The following HOXA13 variants were observed in gnomAD, a reference collection of about 807,000 sequenced individuals.
HOXA13 encodes the protein homeobox A13, also known as homeobox protein Hox-A13.
A neutral mutation model predicts 25.7 loss-of-function variants in HOXA13; 5 were observed. That is an observed-to-expected ratio of 0.19 (90% CI 0.10 to 0.41). The LOEUF (loss-of-function observed/expected upper bound fraction) is 0.41, where lower values mean the gene tolerates loss of function less well. Among genes scored for constraint, HOXA13 ranks in the 10% least tolerant of loss-of-function variants. The pLI, the probability that HOXA13 is intolerant of heterozygous loss-of-function variation, is 1.00. For synonymous variants in HOXA13, 284 were observed against 241.1 expected (o/e 1.18, Z -1.65); for missense variants, 557 against 533.5 (o/e 1.04, Z -0.43).
chr7:27,199,700 TGCAGCGGCAGCCGCGGCAGCA>T lies in HOXA13; in HGVS notation c.357_377del (p.Ala127_Ala133del). On this transcript the variant is annotated inframe_deletion, in exon 1 of 2. Coordinates refer to ENST00000649031, the MANE Select transcript of HOXA13 (RefSeq NM_000522.5). ...ACGACGCGGCGGCGGCGGCGGCGGC[TGCAGCGGCAGCCGCGGCAGCA>T]GCGGCGGCAGCCGACGGGGGCGCCT... is the stretch of plus-strand genomic sequence containing the variant. 9.3e-7 allele frequency: 1 copy of T among 1,071,394 alleles called. No homozygotes were observed. The highest frequency in any genetic ancestry group is 4.5e-5 in the South Asian group (1 of 22,084). The allele number at this position is 1,071,394 out of a possible 1,614,324, so 66.4% of individuals were successfully genotyped here.
In HOXA13 at chr7:27,199,766, G is replaced by A; in HGVS notation, c.312C>T (p.Ala104=). The change falls in exon 1 of 2, where the codon GCC becomes GCT. Residue 104 remains alanine (A), a synonymous_variant. Coordinates refer to ENST00000649031, the MANE Select transcript of HOXA13 (RefSeq NM_000522.5). ...GCGCCTCCCCGGGGGCGCTGCTGTAGGCGGACGCGGCTCCTGGCGCCAAGG... is the reference window on the plus strand; with the variant it reads ...GCGCCTCCCCGGGGGCGCTGCTGTAAGCGGACGCGGCTCCTGGCGCCAAGG... ...PAPLAPGAAS[A]YSSAPGEAPP... 1 of 1,018,772 alleles carries A rather than the reference G, an allele frequency of 9.8e-7. No individual in the cohort carries two copies. Among genetic ancestry groups the A allele is most frequent in the Non-Finnish European group, 1.2e-6 (1 of 845,786 alleles). The allele number at this position is 1,018,772 out of a possible 1,614,324, so 63.1% of individuals were successfully genotyped here. A position where few individuals can be genotyped will look rare whatever the true frequency, so the allele number is the denominator to read the frequency against.
chr7:27,197,736 A>C lies in HOXA13; in HGVS notation c.*462T>G, dbSNP rs1583447407. 3 of 255,820 alleles carry C rather than the reference A, an allele frequency of 1.2e-5. No individual in the cohort carries two copies. The East Asian group carries it at 1.8e-4, about 15-fold the overall frequency. 15.8% of individuals were successfully genotyped at this position (255,820 alleles called of 1,614,324 possible). On this transcript the variant is annotated 3_prime_UTR_variant, in exon 2 of 2. Coordinates refer to ENST00000649031, the MANE Select transcript of HOXA13 (RefSeq NM_000522.5). ...GTACAACAACGGTAGGAATTTCACTAAGATTTACCTGAGCAGACGCTTAAC... is the reference window on the plus strand; with the variant it reads ...GTACAACAACGGTAGGAATTTCACTCAGATTTACCTGAGCAGACGCTTAAC...
chr7:27,198,408 A>G lies in HOXA13; in HGVS notation c.957T>C (p.Tyr319=), dbSNP rs764526009. The stretch of plus-strand genomic sequence containing the variant: ...GCACGCGCTTCTTTCTCCCCCTCCT[A>G]TAGGAGCTGGCATCCGAGGGATGGG... ...VVSHPSDASS[Y]RRGRKKRVPY... Residue 319 remains tyrosine (Y), a synonymous_variant, in exon 2 of 2, where the codon TAT becomes TAC. Transcript: ENST00000649031. 4.3e-6 allele frequency: 7 copies of G among 1,613,946 alleles called. No homozygotes were observed. In the South Asian group the frequency reaches 4.4e-5, roughly 10 times the overall value.
At position 27,198,438 on chromosome 7, in the gene HOXA13, C is replaced by A. The variant is rs1171028591; in HGVS notation, c.927G>T (p.Val309=). The A allele has an allele frequency of 6.2e-7, 1 of 1,613,848 alleles. No individual in the cohort carries two copies. Among genetic ancestry groups the A allele is most frequent in the Non-Finnish European group, 8.5e-7 (1 of 1,180,036 alleles). ...PHLWKSTLPD[V]VSHPSDASSY... Reference sequence around the variant, plus strand: ...AGCTGGCATCCGAGGGATGGGAGACCACGTCTAGAAGACAAGGGAGAAGGC... The same window carrying A: ...AGCTGGCATCCGAGGGATGGGAGACAACGTCTAGAAGACAAGGGAGAAGGC... The change falls in exon 2 of 2, where the codon GTG becomes GTT. Residue 309 remains valine, a synonymous_variant. Coordinates refer to ENST00000649031, the MANE Select transcript of HOXA13 (RefSeq NM_000522.5).
rs909571654 is a variant in HOXA13, at chr7:27,196,787, C to T, written c.*1411G>A. The T allele has an allele frequency of 6.0e-6, 1 of 167,746 alleles. No individual in the cohort carries two copies. The highest frequency in any genetic ancestry group is 2.0e-4 in the South Asian group (1 of 4,932). 10.4% of individuals were successfully genotyped at this position (167,746 alleles called of 1,614,324 possible). A position where few individuals can be genotyped will look rare whatever the true frequency, so the allele number is the denominator to read the frequency against. ...GTACTGAATAATAATAAAGAATGGT[C>T]CTTGGTTTATATAAGATAAACCTGC... On this transcript the variant is annotated 3_prime_UTR_variant, in exon 2 of 2. Transcript: ENST00000649031.
Position 27,199,872 on chromosome 7 carries a change from T to G in HOXA13, c.206A>C (p.Asn69Thr), listed in dbSNP as rs1267410502. 1.9e-6 allele frequency: 2 copies of G among 1,033,130 alleles called. No homozygotes were observed. The highest frequency in any genetic ancestry group is 3.6e-5 in the African/African-American group (2 of 55,836). 64.0% of individuals were successfully genotyped at this position (1,033,130 alleles called of 1,614,324 possible). Residue 69 changes from asparagine to threonine, a missense_variant, in exon 1 of 2, where the codon AAC becomes ACC. Transcript: ENST00000649031. ...PHPAAAAAGGNFSVAAAAAAA... is the reference protein window; with the variant it reads ...PHPAAAAAGGTFSVAAAAAAA... ...CGCGGCCGCCGCCGCCACCGAGAAG[T>G]TGCCCCCTGCCGCCGCAGCCGCCGG...
rs1448886444 is a variant in HOXA13 at position 27,199,712 on chromosome 7, CGCGGCAGCA to C, written c.357_365del (p.Ala131_Ala133del). The C allele has an allele frequency of 1.7e-5, 17 of 1,022,628 alleles. No homozygotes were observed. Among genetic ancestry groups the C allele is most frequent in the African/African-American group, 1.7e-5 (1 of 57,258 alleles). 63.3% of individuals were successfully genotyped at this position (1,022,628 alleles called of 1,614,324 possible). ...CGGCGGCGGCGGCTGCAGCGGCAGCCGCGGCAGCAGCGGCGGCAGCCGACGGGGGCGCCT... is the reference window on the plus strand; with the variant it reads ...CGGCGGCGGCGGCTGCAGCGGCAGCCGCGGCGGCAGCCGACGGGGGCGCCT... On this transcript the variant is annotated inframe_deletion, in exon 1 of 2. Transcript: ENST00000649031.
chr7:27,195,782 G>A lies in HOXA13; in HGVS notation c.*2416C>T, dbSNP rs372389109. Reference sequence around the variant, plus strand: ...CTCTTTACTGACCTCTCAAGAGGTGGGTTTCTTAGACTTTCTGAAACATAA... The same window carrying A: ...CTCTTTACTGACCTCTCAAGAGGTGAGTTTCTTAGACTTTCTGAAACATAA... On this transcript the variant is annotated 3_prime_UTR_variant, in exon 2 of 2. Transcript: ENST00000649031. The A allele has an allele frequency of 4.6e-5, 7 of 152,204 alleles. No individual in the cohort carries two copies. The highest frequency in any genetic ancestry group is 1.7e-4 in the African/African-American group (7 of 41,516). 9.4% of individuals were successfully genotyped at this position (152,204 alleles called of 1,614,324 possible).
Position 27,197,647 on chromosome 7 carries a change from A to G in HOXA13, c.*551T>C, listed in dbSNP as rs897680293. The G allele has an allele frequency of 1.3e-5, 3 of 230,818 alleles. No homozygotes were observed. Among genetic ancestry groups the G allele is most frequent in the African/African-American group, 6.7e-5 (3 of 44,848 alleles). 14.3% of individuals were successfully genotyped at this position (230,818 alleles called of 1,614,324 possible). On this transcript the variant is annotated 3_prime_UTR_variant, in exon 2 of 2. Transcript: ENST00000649031. ...TTCTCCCTTCACAGCAAATATTCCA[A>G]GATCATTATTTCAGTACCTTCTCGT...
rs1452236068 is a variant in HOXA13 at position 27,196,688 on chromosome 7, A to AAG, written c.*1508_*1509dup. The AAG allele has an allele frequency of 6.5e-6, 1 of 153,776 alleles. No homozygotes were observed. The highest frequency in any genetic ancestry group is 1.5e-5 in the Non-Finnish European group (1 of 68,904). 9.5% of individuals were successfully genotyped at this position (153,776 alleles called of 1,614,324 possible). On this transcript the variant is annotated 3_prime_UTR_variant, in exon 2 of 2. Transcript: ENST00000649031. ...AATACCTGACACTTTAATCTCCTTG[A>AAG]AGCACTTATCATTTTTTAGGATTTT...
Position 27,199,281 on chromosome 7 carries a change from T to G in HOXA13, c.797A>C (p.His266Pro), listed in dbSNP as rs765319714. 7 of 1,613,904 alleles carry G rather than the reference T, an allele frequency of 4.3e-6. No individual in the cohort carries two copies. The Admixed American group carries it at 1.2e-4, about 27-fold the overall frequency. ...PGLGGPGESRHEPLGLPMESY... is the reference protein window; with the variant it reads ...PGLGGPGESRPEPLGLPMESY... ...TTCCATGGGAAGACCCAAGGGTTCGTGGCGCGACTCGCCGGGGCCCCCGAG... is the reference window on the plus strand; with the variant it reads ...TTCCATGGGAAGACCCAAGGGTTCGGGGCGCGACTCGCCGGGGCCCCCGAG... The change falls in exon 1 of 2, where the codon CAC becomes CCC. Residue 266 changes from histidine to proline, a missense_variant. His to Pro is a moderately conservative substitution (Grantham distance 77, BLOSUM62 -2). Transcript: ENST00000649031.
At position 27,194,428 on chromosome 7, in the gene HOXA13, A is replaced by G. The variant is rs1783981949; in HGVS notation, c.*3770T>C. The G allele has an allele frequency of 6.6e-6, 1 of 152,184 alleles. No individual in the cohort carries two copies. The highest frequency in any genetic ancestry group is 2.4e-5 in the African/African-American group (1 of 41,434). The allele number at this position is 152,184 out of a possible 1,614,324, so 9.4% of individuals were successfully genotyped here. On this transcript the variant is annotated 3_prime_UTR_variant, in exon 2 of 2. Coordinates refer to ENST00000649031, the MANE Select transcript of HOXA13 (RefSeq NM_000522.5). ...AAGAGTTTTCTTTTTAGAAAAAAATACTTTAATCAGGCTTTCAACAACATT... is the reference window on the plus strand; with the variant it reads ...AAGAGTTTTCTTTTTAGAAAAAAATGCTTTAATCAGGCTTTCAACAACATT...
In HOXA13 at chr7:27,200,053, G is replaced by A. The variant is rs570503434; in HGVS notation, c.25C>T (p.Pro9Ser). 7.0e-5 allele frequency: 104 copies of A among 1,478,744 alleles called. No homozygotes were observed. In the African/African-American group the frequency reaches 1.2e-3, roughly 16 times the overall value. The allele number at this position is 1,478,744 out of a possible 1,614,324, so 91.6% of individuals were successfully genotyped here. ...ATGACGGTGGGCTCGATCCAGCGGG[G>A]GTGGAGGAGCACGGAGGCTGTCATA... The part of the protein sequence containing the change: MTASVLLH[P>S]RWIEPTVMFL... The change falls in exon 1 of 2, where the codon CCC becomes TCC. Residue 9 changes from proline to serine, a missense_variant. Transcript: ENST00000649031.
rs771157148 is a variant in HOXA13 at position 27,199,435 on chromosome 7, C to T, written c.643G>A (p.Gly215Ser). Residue 215 changes from glycine to serine, a missense_variant, in exon 1 of 2, where the codon GGC (glycine) becomes AGC (serine). Transcript: ENST00000649031. ...AFADKYMDTA[G>S]PAAEEFSSRA... is the part of the protein sequence containing the mutation. ...GAGCTGAACTCCTCGGCAGCTGGGCCGGCGGTATCCATGTACTTGTCCGCG... is the reference window on the plus strand; with the variant it reads ...GAGCTGAACTCCTCGGCAGCTGGGCTGGCGGTATCCATGTACTTGTCCGCG... 18 of 1,613,562 alleles carry T rather than the reference C, an allele frequency of 1.1e-5. No individual in the cohort carries two copies. Among genetic ancestry groups the T allele is most frequent in the Admixed American group, 1.7e-5 (1 of 60,006 alleles).
chr7:27,200,086 C>A lies in HOXA13; in HGVS notation c.-9G>T, dbSNP rs750057438. The A allele has an allele frequency of 2.1e-6, 3 of 1,452,444 alleles. No homozygotes were observed. The highest frequency in any genetic ancestry group is 9.2e-7 in the Non-Finnish European group (1 of 1,084,908). The allele number at this position is 1,452,444 out of a possible 1,614,324, so 90.0% of individuals were successfully genotyped here. ...AGCACGGAGGCTGTCATAGCCCGAG[C>A]CGCATGGAGAAGACCCCAGTGGCGC... On this transcript the variant is annotated 5_prime_UTR_variant, in exon 1 of 2. Coordinates refer to ENST00000649031, the MANE Select transcript of HOXA13 (RefSeq NM_000522.5).
chr7:27,199,411 A>G lies in HOXA13; in HGVS notation c.667T>C (p.Ser223Pro). Residue 223 changes from serine (S) to proline (P), a missense_variant, in exon 1 of 2, where the codon TCC becomes CCC. Ser to Pro is a moderately conservative substitution (Grantham distance 74). Transcript: ENST00000649031. ...TAGPAAEEFS[S>P]RAKEFAFYHQ... ...TAGAAGGCGAACTCCTTAGCGCGGG[A>G]GCTGAACTCCTCGGCAGCTGGGCCG... 6.2e-7 allele frequency: 1 copy of G among 1,613,946 alleles called. No individual in the cohort carries two copies. Among genetic ancestry groups the G allele is most frequent in the Non-Finnish European group, 8.5e-7 (1 of 1,179,962 alleles).
At chr7:27,198,846 G>C (rs1016315539) in intron 1 of HOXA13, 3 of 509,004 alleles carry the variant, frequency 5.9e-6, no homozygotes, top group East Asian at 6.8e-5. Context: ...GGGCAATTTG[G>C]GGAGCTGTTT....
chr7:27,198,515 G>A, intron 1 of HOXA13, 73 bp from the exon 2 acceptor site: 1 of 1,593,832 alleles, frequency 6.3e-7, no homozygotes, highest in East Asian at 2.2e-5. Context: ...AGCTCGATCT[G>A]AGCCACCCGC....
chr7:27,198,591 G>T (rs1784035423), intron 1 of HOXA13, 149 bp from the exon 2 acceptor site: 1 of 897,586 alleles, frequency 1.1e-6, no homozygotes, highest in Non-Finnish European at 1.8e-6. Flanking sequence ...AGCCTAGAGG[G>T]TCAGTGGGGA....
Sources: gnomAD v4.1 joint callset for allele counts on GRCh38, gnomAD v4.1.1 for gene constraint, MANE v1.5 for transcripts, NCBI Gene and HGNC (gene_info 2026-07-23, HGNC 2026-07-21) for gene names.